The following NELL1 variants were observed in gnomAD, a reference collection of about 807,000 sequenced individuals.
NELL1 encodes the protein neural EGFL like 1.
Under a neutral mutation model 107.4 loss-of-function variants are expected in NELL1, and 76 were observed. The observed-to-expected ratio is 0.71, with a 90% CI of 0.59 to 0.86. NELL1 has a LOEUF of 0.86. Among genes scored for constraint, NELL1 ranks in the 40% least tolerant of loss-of-function variants. NELL1 has a pLI of 0.00. For missense variants in NELL1, 1,024 were observed against 1,005.5 expected, an observed-to-expected ratio of 1.02 and a Z score of -0.25; for synonymous variants, 353 against 341.2, an observed-to-expected ratio of 1.03 and a Z score of -0.38.
chr11:21,403,951 T>C (rs1852160818), intron 15 of NELL1, among the ~76,000 whole-genome samples: 1 of 149,928 alleles, frequency 6.7e-6, no homozygotes, highest in African/African-American at 2.4e-5. Flanking sequence ...TTATGGACTG[T>C]ATCCTCCTCT....
intron 12 of NELL1, among the ~76,000 whole-genome samples, chr11:20,983,007 T>C (rs1851779467): frequency 6.6e-6 from 1 of 152,196 alleles, no homozygotes; most frequent in African/African-American, 2.4e-5. Flanking sequence ...CTGATTTTCA[T>C]TGTTTTCAGC....
At chr11:21,499,289 A>T (rs1399428322) in intron 15 of NELL1, among the ~76,000 whole-genome samples, 3 of 151,984 alleles carry the variant, frequency 2.0e-5, no homozygotes, top group African/African-American at 7.2e-5. Context: ...ATTCTGTCAG[A>T]GGAGCTATTT....
intron 14 of NELL1, among the ~76,000 whole-genome samples, chr11:21,299,227 T>C (rs1474712522): frequency 6.6e-6 from 1 of 151,994 alleles, no homozygotes; most frequent in Admixed American, 6.6e-5. Flanking sequence ...AAGAAATCTG[T>C]GTTTAATTTT....
intron 15 of NELL1, among the ~76,000 whole-genome samples, chr11:21,457,108 T>A (rs4922822): frequency 0.33 from 50,505 of 151,962 alleles, 9,827 homozygotes; most frequent in Non-Finnish European, 0.44. Context: ...GGAAGGGATA[T>A]GTAAGTGTTG....
intron 3 of NELL1, among the ~76,000 whole-genome samples, chr11:20,845,744 C>T (rs1590344300): frequency 6.6e-6 from 1 of 152,180 alleles, no homozygotes; most frequent in Non-Finnish European, 1.5e-5. Context: ...AATGACTTTT[C>T]TTGCCTCCTC....
chr11:20,977,163 C>T (rs2134239003), intron 12 of NELL1, among the ~76,000 whole-genome samples: 1 of 151,832 alleles, frequency 6.6e-6, no homozygotes, highest in South Asian at 2.1e-4. Context: ...TATAAACTCT[C>T]ATAATTTAGG....
chr11:21,309,262 A>G (rs368531687), intron 14 of NELL1, among the ~76,000 whole-genome samples: 5,285 of 24,968 alleles, frequency 0.21, 139 homozygotes, highest in South Asian at 0.25. Flanking sequence ...ATATATATGT[A>G]TATATATATA....
At chr11:21,476,066 G>A (rs980607194) in intron 15 of NELL1, among the ~76,000 whole-genome samples, 1 of 151,928 alleles carries the variant, frequency 6.6e-6, no homozygotes, top group African/African-American at 2.4e-5. Context: ...TTCTTCAATT[G>A]AACTCTACCT....
rs1352123977 is a variant in NELL1, at chr11:20,782,230, A to G, written c.185-1450A>G. On this transcript the variant is annotated intron_variant, in intron 2 of 19. Coordinates refer to ENST00000357134, the MANE Select transcript of NELL1 (RefSeq NM_006157.5). Reference sequence around the variant, plus strand: ...GCTATCTCTTTTCTCAACACTTGATAAAAGCTGACAGCATGCCACTTAAGA... The same window carrying G: ...GCTATCTCTTTTCTCAACACTTGATGAAAGCTGACAGCATGCCACTTAAGA... Among the ~76,000 whole-genome samples the G allele has an allele frequency of 3.3e-5, 5 of 152,314 alleles. No homozygotes were observed. In the East Asian group the frequency reaches 9.6e-4, roughly 29 times the overall value.
chr11:20,896,230 C>G (rs1849734853), intron 5 of NELL1, among the ~76,000 whole-genome samples: 1 of 152,104 alleles, frequency 6.6e-6, no homozygotes, highest in Admixed American at 6.6e-5. Context: ...TGAGAACATA[C>G]AATATTTGGT....
At chr11:20,818,260 C>G (rs1209155825) in intron 3 of NELL1, among the ~76,000 whole-genome samples, 1 of 152,100 alleles carries the variant, frequency 6.6e-6, no homozygotes, top group Non-Finnish European at 1.5e-5. Flanking sequence ...AATCTGGGTG[C>G]TCCATTTTTG....
At chr11:21,275,091 A>C (rs1406028620) in intron 14 of NELL1, among the ~76,000 whole-genome samples, 2 of 152,332 alleles carry the variant, frequency 1.3e-5, no homozygotes, top group African/African-American at 2.4e-5. Flanking sequence ...AAAACCCTTC[A>C]AAAAATCAAT....
chr11:20,860,755 G>A (rs558976262), intron 4 of NELL1, among the ~76,000 whole-genome samples: 53 of 152,316 alleles, frequency 3.5e-4, no homozygotes, highest in Middle Eastern at 3.4e-3. Context: ...AAGGTGAACC[G>A]TGCCTTGCTC....
chr11:21,097,279 T>C (rs569769038), intron 12 of NELL1, among the ~76,000 whole-genome samples: 1 of 152,204 alleles, frequency 6.6e-6, no homozygotes, highest in Non-Finnish European at 1.5e-5. Flanking sequence ...CAGGAATAAA[T>C]GCTTGGTGCC....
chr11:20,812,275 T>C (rs2134014296), intron 3 of NELL1, among the ~76,000 whole-genome samples: 1 of 152,350 alleles, frequency 6.6e-6, no homozygotes, highest in African/African-American at 2.4e-5. Context: ...CTTGCATCCC[T>C]GGGATGAATC....
At chr11:21,408,052 G>C (rs1012650600) in intron 15 of NELL1, among the ~76,000 whole-genome samples, 1 of 151,834 alleles carries the variant, frequency 6.6e-6, no homozygotes, top group Admixed American at 6.6e-5. Context: ...ACATAGAGGG[G>C]TGGCAAGTGC....
At chr11:20,755,954 G>A (rs1181810388) in intron 2 of NELL1, among the ~76,000 whole-genome samples, 4 of 141,714 alleles carry the variant, frequency 2.8e-5, no homozygotes, top group Non-Finnish European at 6.0e-5. Flanking sequence ...GTGCAGTGGC[G>A]TGATCTCGGC....
chr11:21,421,437 G>A (rs1313532102), intron 15 of NELL1, among the ~76,000 whole-genome samples: 1 of 152,120 alleles, frequency 6.6e-6, no homozygotes, highest in Non-Finnish European at 1.5e-5. Flanking sequence ...GGAGCATATT[G>A]GATGAAGCTT....
intron 16 of NELL1, among the ~76,000 whole-genome samples, chr11:21,549,219 C>T (rs963924564): frequency 2.0e-5 from 3 of 151,792 alleles, no homozygotes; most frequent in Non-Finnish European, 4.4e-5. Context: ...TTGATACAAA[C>T]ATTCTGAGTA....
Sources: allele counts gnomAD v4.1 joint callset (sites outside exome capture counted in the v4.1 genomes callset), GRCh38; gene constraint gnomAD v4.1.1; transcripts MANE v1.5; gene names NCBI Gene and HGNC (gene_info 2026-07-23, HGNC 2026-07-21).